Variants in ACSM1 observed in about 807,000 individuals in gnomAD.
ACSM1 encodes the protein acyl-coenzyme A synthetase ACSM1, mitochondrial.
ACSM1 carries 79 observed loss-of-function variants against 75.8 expected under a neutral mutation model. The ratio of observed to expected loss-of-function variants is 1.04; its 90% confidence interval spans 0.87 to 1.26. The LOEUF (loss-of-function observed/expected upper bound fraction) is 1.26, where lower values mean the gene tolerates loss of function less well. Ranked by LOEUF, ACSM1 falls within the 50% of genes most tolerant of loss-of-function variation. The pLI is 0.00. For synonymous variants in ACSM1, 279 were observed against 265.8 expected, an observed-to-expected ratio of 1.05 and a Z score of -0.48; for missense variants, 676 against 720.1, an observed-to-expected ratio of 0.94 and a Z score of 0.70.
intron 10 of ACSM1, among the ~76,000 whole-genome samples, chr16:20,629,990 C>CAAAA (rs558208317): frequency 2.5e-4 from 20 of 80,960 alleles, no homozygotes; most frequent in African/African-American, 4.3e-4. Context: ...GACTCCAACT[C>CAAAA]AAAAAAAAAA....
Position 20,624,102 on chromosome 16 carries a change from T to C in ACSM1, c.1641A>G (p.Pro547=). The C allele has an allele frequency of 6.8e-6, 11 of 1,612,078 alleles. No individual in the cohort carries two copies. The highest frequency in any genetic ancestry group is 9.3e-6 in the Non-Finnish European group (11 of 1,178,690). ...TCCATCTGCCCTCACTCACCTTCCT[T>C]GGGTACTTGTATGGGGCTGTCACTG... The part of the protein sequence containing the change: ...VKSVTAPYKY[P]RKVEFVSELP... Residue 547 remains proline, a synonymous_variant, in exon 13 of 14, where the codon CCA becomes CCG. Coordinates refer to ENST00000520010, the MANE Select transcript of ACSM1 (RefSeq NM_001318890.3).
chr16:20,625,645 C>G, intron 11 of ACSM1, 123 bp from the exon 12 acceptor site: 1 of 799,914 alleles, frequency 1.3e-6, no homozygotes. Context: ...AGCCAGGGAC[C>G]CCTGACTTGT....
intron 7 of ACSM1, among the ~76,000 whole-genome samples, chr16:20,650,298 T>C (rs148904907): frequency 1.3e-3 from 195 of 152,258 alleles, no homozygotes; most frequent in Non-Finnish European, 2.3e-3. Context: ...CACAGATAAA[T>C]GAGAGACTGA....
chr16:20,663,774 T>A (rs1297994506), intron 6 of ACSM1, among the ~76,000 whole-genome samples: 10 of 152,200 alleles, frequency 6.6e-5, no homozygotes, highest in Non-Finnish European at 1.3e-4. Context: ...ATCAAGCTCA[T>A]ATTGCTCTTC....
chr16:20,675,501 C>A (rs2020220793), intron 4 of ACSM1, among the ~76,000 whole-genome samples: 1 of 151,972 alleles, frequency 6.6e-6, no homozygotes, highest in Non-Finnish European at 1.5e-5. Flanking sequence ...GTCTGGTGGA[C>A]CTTAGAGTGA....
intron 6 of ACSM1, among the ~76,000 whole-genome samples, chr16:20,662,758 C>T (rs1168690483): frequency 6.6e-6 from 1 of 152,144 alleles, no homozygotes; most frequent in Non-Finnish European, 1.5e-5. Flanking sequence ...CTTTCAATCT[C>T]TAGCCTCTAT....
At position 20,645,966 on chromosome 16, in the gene ACSM1, T is replaced by C. The variant is rs368736300; in HGVS notation, c.993-5382A>G. Among the ~76,000 whole-genome samples the C allele has an allele frequency of 9.3e-4, 142 of 152,344 alleles. 6 individuals are homozygous for C. The South Asian group carries it at 0.028, about 30-fold the overall frequency. ...CTGAAGGCTAACTAATCTTAAAGGA[T>C]AAGTTTATCACTCAGTCAGCTGCAG... On this transcript the variant is annotated intron_variant, in intron 7 of 13. Coordinates refer to ENST00000520010, the MANE Select transcript of ACSM1 (RefSeq NM_001318890.3).
chr16:20,633,754 G>A (rs987822379), intron 10 of ACSM1, among the ~76,000 whole-genome samples: 12 of 152,096 alleles, frequency 7.9e-5, no homozygotes, highest in African/African-American at 2.9e-4. Context: ...TAAAGGCCAG[G>A]CGCGGTAGCT....
intron 6 of ACSM1, among the ~76,000 whole-genome samples, chr16:20,667,197 A>G (rs2019616254): frequency 6.6e-6 from 1 of 152,230 alleles, no homozygotes; most frequent in African/African-American, 2.4e-5. Flanking sequence ...TATGCATCTG[A>G]CAACATCCAG....
intron 7 of ACSM1, among the ~76,000 whole-genome samples, chr16:20,652,724 A>G (rs1053957001): frequency 6.6e-6 from 1 of 152,242 alleles, no homozygotes; most frequent in Non-Finnish European, 1.5e-5. Context: ...ATCCCTGAAT[A>G]GACCAATAAC....
At chr16:20,641,314 T>G (rs1426681422) in intron 7 of ACSM1, among the ~76,000 whole-genome samples, 2 of 152,228 alleles carry the variant, frequency 1.3e-5, no homozygotes, top group Non-Finnish European at 2.9e-5. Flanking sequence ...TGTACATCTA[T>G]AGAGAATATC....
chr16:20,675,535 G>C (rs1396845045), intron 4 of ACSM1, among the ~76,000 whole-genome samples: 1 of 152,176 alleles, frequency 6.6e-6, no homozygotes. Flanking sequence ...GGGAGGAAAT[G>C]GGAGGAAAAG....
chr16:20,658,932 A>G (rs1275604104), intron 7 of ACSM1, among the ~76,000 whole-genome samples: 3 of 152,222 alleles, frequency 2.0e-5, no homozygotes, highest in Non-Finnish European at 4.4e-5. Context: ...ATCAAAGAAT[A>G]TGATGATGTA....
chr16:20,634,205 C>G (rs532165859), intron 10 of ACSM1, among the ~76,000 whole-genome samples: 2 of 152,156 alleles, frequency 1.3e-5, no homozygotes, highest in South Asian at 4.1e-4. Flanking sequence ...ACAACACATA[C>G]AAAAGTTAAC....
chr16:20,636,167 T>C (rs897326535), intron 10 of ACSM1, among the ~76,000 whole-genome samples: 32 of 152,192 alleles, frequency 2.1e-4, no homozygotes, highest in African/African-American at 7.2e-4. Context: ...ATGGCCAATA[T>C]TGGGAGCTAA....
chr16:20,691,596 C>T (rs998113866), intron 1 of ACSM1, among the ~76,000 whole-genome samples: 9 of 152,074 alleles, frequency 5.9e-5, no homozygotes, highest in African/African-American at 1.7e-4. Flanking sequence ...ACTTTAGAAA[C>T]TTCCCTTTCT....
intron 1 of ACSM1, among the ~76,000 whole-genome samples, chr16:20,694,968 C>T (rs28469555): frequency 0.47 from 72,129 of 151,976 alleles, 18,278 homozygotes; most frequent in Non-Finnish European, 0.58. Flanking sequence ...CTCCAGCCTT[C>T]AGAACTTTGA....
At chr16:20,683,861 C>T (rs921858251) in intron 3 of ACSM1, among the ~76,000 whole-genome samples, 4 of 152,136 alleles carry the variant, frequency 2.6e-5, no homozygotes, top group African/African-American at 9.7e-5. Context: ...AGCCACCACC[C>T]AGGCCAAGTC....
intron 10 of ACSM1, among the ~76,000 whole-genome samples, chr16:20,632,343 A>G (rs1306168113): frequency 1.3e-5 from 2 of 152,238 alleles, no homozygotes; most frequent in African/African-American, 4.8e-5. Flanking sequence ...TTAATAAAAA[A>G]GTGAAAATTT....
Sources: allele counts gnomAD v4.1 joint callset (sites outside exome capture counted in the v4.1 genomes callset), GRCh38; gene constraint gnomAD v4.1.1; transcripts MANE v1.5; gene names NCBI Gene and HGNC (gene_info 2026-07-23, HGNC 2026-07-21).